FARS2: variants seen among roughly 807,000 people sequenced by gnomAD.
FARS2 encodes phenylalanyl-tRNA synthetase 2, mitochondrial.
In FARS2, 40 loss-of-function variants were observed where a neutral mutation model predicts 46.4. The observed-to-expected ratio is 0.86, with a 90% CI of 0.67 to 1.12. FARS2 has a LOEUF of 1.12. FARS2 is among the 50% of genes most tolerant of loss of function. The pLI is 0.00. For missense variants in FARS2, 513 were observed against 567.9 expected, an observed-to-expected ratio of 0.90 and a Z score of 0.98; for synonymous variants, 234 against 214.9, an observed-to-expected ratio of 1.09 and a Z score of -0.78.
At position 5,690,601 on chromosome 6, in the gene FARS2, C is replaced by A. The variant is rs1488876464; in HGVS notation, c.1217+77281C>A. On this transcript the variant is annotated intron_variant, in intron 6 of 6. Coordinates refer to ENST00000274680, the MANE Select transcript of FARS2 (RefSeq NM_006567.5). ...CTGATGGGCTTCCCTTTGTGGGTAA[C>A]CCGACCTTTCTCTCTGGCTGCCCTT... is the stretch of plus-strand genomic sequence containing the variant. 3.3e-5 allele frequency among the ~76,000 whole-genome samples: 5 copies of A among 151,672 alleles called. No individual in the cohort carries two copies. The East Asian group carries it at 9.7e-4, about 29-fold the overall frequency.
At position 5,548,103 on chromosome 6, in the gene FARS2, T is replaced by C. The variant is rs925629424; in HGVS notation, c.1065+2763T>C. On this transcript the variant is annotated intron_variant, in intron 5 of 6. Transcript: ENST00000274680. ...ATGAAGAAGCAAAATCAGAAACCCC[T>C]GATAAACCCATCAGATCTTGTGAGA... is the stretch of plus-strand genomic sequence containing the variant. 2.2e-4 allele frequency among the ~76,000 whole-genome samples: 34 copies of C among 152,160 alleles called. 2 individuals are homozygous for C. The highest frequency in any genetic ancestry group is 2.0e-3 in the Admixed American group (30 of 15,276).
chr6:5,512,090 A>G (rs1004785001), intron 4 of FARS2, among the ~76,000 whole-genome samples: 4 of 152,252 alleles, frequency 2.6e-5, no homozygotes, highest in Non-Finnish European at 5.9e-5. Flanking sequence ...AGTAAATGCA[A>G]CCACAAGAGA....
intron 1 of FARS2, among the ~76,000 whole-genome samples, chr6:5,278,147 G>T (rs1318231066): frequency 6.6e-6 from 1 of 152,216 alleles, no homozygotes; most frequent in Non-Finnish European, 1.5e-5. Context: ...AAAGATGAGA[G>T]TTCGGCTCTG....
At chr6:5,687,248 G>A (rs908607396) in intron 6 of FARS2, among the ~76,000 whole-genome samples, 2 of 152,156 alleles carry the variant, frequency 1.3e-5, no homozygotes, top group African/African-American at 4.8e-5. Context: ...ATTGCTTTTG[G>A]TGTTTTAGAC....
chr6:5,466,058 C>T (rs1052127253), intron 4 of FARS2, among the ~76,000 whole-genome samples: 1 of 152,122 alleles, frequency 6.6e-6, no homozygotes, highest in African/African-American at 2.4e-5. Context: ...TTCTGAAGCT[C>T]ATTTCTTACA....
At position 5,431,017 on chromosome 6, in the gene FARS2, T is replaced by A. The variant is rs1407179025; in HGVS notation, c.773-24T>A. 4.3e-6 allele frequency: 7 copies of A among 1,611,208 alleles called. No homozygotes were observed. In the South Asian group the frequency reaches 7.7e-5, roughly 18 times the overall value. ...GCAGACAGCTATTTAACACTACTTATTTGTTTCTTTGGCAACTTTGCAGAG... is the reference window on the plus strand; with the variant it reads ...GCAGACAGCTATTTAACACTACTTAATTGTTTCTTTGGCAACTTTGCAGAG... On this transcript the variant is annotated intron_variant, in intron 3 of 6. Coordinates refer to ENST00000274680, the MANE Select transcript of FARS2 (RefSeq NM_006567.5).
Position 5,539,384 on chromosome 6 carries a change from G to GTGTGTATATATATATATATATATATATA in FARS2, c.905-5795_905-5794insGTGTATATATATATATATATATATATAT. On this transcript the variant is annotated intron_variant, in intron 4 of 6. Coordinates refer to ENST00000274680, the MANE Select transcript of FARS2 (RefSeq NM_006567.5). ...ACCATGCCCACCTAATTTTTTTTGT[G>GTGTGTATATATATATATATATATATATA]TATATATATATATATGTATATATTT... 3.1e-3 allele frequency among the ~76,000 whole-genome samples: 243 copies of GTGTGTATATATATATATATATATATATA among 79,516 alleles called. 7 individuals carry two copies. The highest frequency in any genetic ancestry group is 3.8e-3 in the Non-Finnish European group (138 of 36,120). The allele number at this position is 79,516 out of a possible 152,430, so 52.2% of individuals were successfully genotyped here. A position where few individuals can be genotyped will look rare whatever the true frequency, so the allele number is the denominator to read the frequency against.
intron 2 of FARS2, among the ~76,000 whole-genome samples, chr6:5,374,060 T>C (rs1389212275): frequency 1.3e-5 from 2 of 152,106 alleles, no homozygotes; most frequent in Non-Finnish European, 1.5e-5. Context: ...TAGAGATACA[T>C]ATTGAAATAC....
At chr6:5,631,188 G>C (rs1011694249) in intron 6 of FARS2, among the ~76,000 whole-genome samples, 2 of 152,186 alleles carry the variant, frequency 1.3e-5, no homozygotes, top group Non-Finnish European at 2.9e-5. Flanking sequence ...GATAAGAGTT[G>C]ATTATATTTA....
intron 2 of FARS2, among the ~76,000 whole-genome samples, chr6:5,376,501 A>C (rs1759390459): frequency 6.6e-6 from 1 of 152,202 alleles, no homozygotes; most frequent in African/African-American, 2.4e-5. Flanking sequence ...ATTGTATGCT[A>C]TGTGATTTGG....
intron 6 of FARS2, among the ~76,000 whole-genome samples, chr6:5,741,848 C>T (rs1486248668): frequency 4.6e-5 from 7 of 152,274 alleles, no homozygotes; most frequent in East Asian, 3.9e-4. Flanking sequence ...GACAGGGTTT[C>T]GCCATGTTGG....
At position 5,624,393 on chromosome 6, in the gene FARS2, G is replaced by A. The variant is rs529713299; in HGVS notation, c.1217+11073G>A. 3.3e-5 allele frequency among the ~76,000 whole-genome samples: 5 copies of A among 152,152 alleles called. No homozygotes were observed. In the South Asian group the frequency reaches 6.2e-4, roughly 19 times the overall value. On this transcript the variant is annotated intron_variant, in intron 6 of 6. Transcript: ENST00000274680. Reference sequence around the variant, plus strand: ...ATCACCATTTGCCTAAAGATTCTTCGGGATTCCCTTCAGTGCTGTCCTGGC... The same window carrying A: ...ATCACCATTTGCCTAAAGATTCTTCAGGATTCCCTTCAGTGCTGTCCTGGC...
chr6:5,341,114 T>C (rs1771527151), intron 1 of FARS2, among the ~76,000 whole-genome samples: 1 of 145,206 alleles, frequency 6.9e-6, no homozygotes. Flanking sequence ...TGCTGCTGCA[T>C]TCCAGCCTGG....
intron 4 of FARS2, among the ~76,000 whole-genome samples, chr6:5,484,491 G>C (rs1766661070): frequency 6.6e-6 from 1 of 152,198 alleles, no homozygotes; most frequent in Admixed American, 6.5e-5. Flanking sequence ...TTCCAATTGA[G>C]TGTAACTGAG....
At chr6:5,769,416 G>T (rs1018412699) in intron 6 of FARS2, among the ~76,000 whole-genome samples, 1 of 152,194 alleles carries the variant, frequency 6.6e-6, no homozygotes, top group Non-Finnish European at 1.5e-5. Context: ...TTTCTGTCTC[G>T]CTGCGTTTTG....
At chr6:5,700,631 T>C (rs1758371194) in intron 6 of FARS2, among the ~76,000 whole-genome samples, 1 of 152,126 alleles carries the variant, frequency 6.6e-6, no homozygotes, top group African/African-American at 2.4e-5. Flanking sequence ...CTCCGGACTT[T>C]GTGATGCACC....
chr6:5,298,862 C>CAAA (rs771852149), intron 1 of FARS2, among the ~76,000 whole-genome samples: 7 of 74,674 alleles, frequency 9.4e-5, no homozygotes, highest in Non-Finnish European at 1.5e-4. Context: ...AACTCCATCT[C>CAAA]AAAAAAAAAA....
intron 5 of FARS2, among the ~76,000 whole-genome samples, chr6:5,552,194 A>G (rs1373368385): frequency 6.6e-6 from 1 of 152,198 alleles, no homozygotes; most frequent in Non-Finnish European, 1.5e-5. Context: ...GAGTAGTCAT[A>G]TTTACATATA....
At chr6:5,457,807 C>A (rs533214898) in intron 4 of FARS2, 1 of 152,148 alleles carries the variant, frequency 6.6e-6, no homozygotes, top group South Asian at 2.1e-4. Flanking sequence ...TCAACCAAGG[C>A]TATAAATCCA....
Sources: allele counts gnomAD v4.1 joint callset (sites outside exome capture counted in the v4.1 genomes callset), GRCh38; gene constraint gnomAD v4.1.1; transcripts MANE v1.5; gene names NCBI Gene and HGNC (gene_info 2026-07-23, HGNC 2026-07-21).